Variants in EDIL3 observed in about 807,000 individuals in gnomAD.
EDIL3 encodes the protein EGF-like repeat and discoidin I-like domain-containing protein 3.
EDIL3 carries 37 observed loss-of-function variants against 67.4 expected under a neutral mutation model. The observed-to-expected ratio is 0.55, with a 90% CI of 0.42 to 0.72. EDIL3 has a LOEUF of 0.72. Among genes scored for constraint, EDIL3 ranks in the 30% least tolerant of loss-of-function variants. The pLI is 0.00. For synonymous variants in EDIL3, 195 were observed against 196.3 expected, an observed-to-expected ratio of 0.99 and a Z score of 0.05; for missense variants, 527 against 586.3, an observed-to-expected ratio of 0.90 and a Z score of 1.04.
At chr5:84,201,083 CAAAT>C (rs554485628) in intron 3 of EDIL3, among the ~76,000 whole-genome samples, 1 of 152,090 alleles carries the variant, frequency 6.6e-6, no homozygotes, top group East Asian at 1.9e-4. Context: ...TCTTAAATCT[CAAAT>C]AAATAATCGT....
At chr5:84,194,065 C>A (rs1010221495) in intron 3 of EDIL3, among the ~76,000 whole-genome samples, 2 of 151,794 alleles carry the variant, frequency 1.3e-5, no homozygotes, top group Non-Finnish European at 2.9e-5. Context: ...ACTGCCAATA[C>A]CTATTGCTTC....
chr5:83,973,986 A>G (rs1199686877), intron 9 of EDIL3, among the ~76,000 whole-genome samples: 1 of 151,994 alleles, frequency 6.6e-6, no homozygotes, highest in African/African-American at 2.4e-5. Flanking sequence ...CACACAATGT[A>G]TTTTTGTGCT....
chr5:84,260,537 C>A (rs894400847), intron 1 of EDIL3, among the ~76,000 whole-genome samples: 23 of 152,180 alleles, frequency 1.5e-4, no homozygotes, highest in African/African-American at 5.5e-4. Flanking sequence ...TCTTTATATG[C>A]AGTAAACATC....
intron 6 of EDIL3, among the ~76,000 whole-genome samples, chr5:84,072,455 A>G (rs1416962405): frequency 1.3e-5 from 2 of 152,162 alleles, no homozygotes; most frequent in Non-Finnish European, 2.9e-5. Flanking sequence ...GGACTACACA[A>G]TATTAGCAAG....
intron 2 of EDIL3, among the ~76,000 whole-genome samples, chr5:84,239,957 T>C (rs1380764728): frequency 1.3e-5 from 2 of 152,142 alleles, no homozygotes; most frequent in African/African-American, 4.8e-5. Context: ...TCTCATGAAA[T>C]TTTCCATGTC....
At chr5:84,354,251 G>C (rs1287562312) in intron 1 of EDIL3, among the ~76,000 whole-genome samples, 2 of 152,120 alleles carry the variant, frequency 1.3e-5, no homozygotes, top group Non-Finnish European at 2.9e-5. Flanking sequence ...AGCCATGTGA[G>C]TGTCTCTTCT....
intron 1 of EDIL3, among the ~76,000 whole-genome samples, chr5:84,361,303 A>T (rs562686157): frequency 6.4e-4 from 95 of 147,342 alleles, no homozygotes; most frequent in Middle Eastern, 3.4e-3. Flanking sequence ...ACACACACAC[A>T]CTTCAGATTT....
intron 2 of EDIL3, among the ~76,000 whole-genome samples, chr5:84,246,508 ATTAT>A (rs139856487): frequency 1.3e-3 from 193 of 152,370 alleles, no homozygotes; most frequent in African/African-American, 4.4e-3. Context: ...AAACTCTGTG[ATTAT>A]TTGTTAGGCA....
rs1338060460 is a variant in EDIL3 at position 84,384,844 on chromosome 5, G to A, written c.-470C>T. The stretch of plus-strand genomic sequence containing the variant: ...CTGGAGGGGAGCGAGCGGGCCGCCG[G>A]GAGCGCACTGTGTACAAACAGAGGC... On this transcript the variant is annotated 5_prime_UTR_variant, in exon 1 of 11. Transcript: ENST00000296591. The A allele has an allele frequency of 6.6e-6, 1 of 152,266 alleles. No individual in the cohort carries two copies. Among genetic ancestry groups the A allele is most frequent in the Non-Finnish European group, 1.5e-5 (1 of 68,154 alleles). 9.4% of individuals were successfully genotyped at this position (152,266 alleles called of 1,614,324 possible).
chr5:84,221,005 G>A (rs1034414030), intron 3 of EDIL3, among the ~76,000 whole-genome samples: 1 of 152,028 alleles, frequency 6.6e-6, no homozygotes, highest in Non-Finnish European at 1.5e-5. Flanking sequence ...ATATCATTGA[G>A]CCAACCATTC....
intron 9 of EDIL3, among the ~76,000 whole-genome samples, chr5:83,987,757 G>A (rs1745078687): frequency 6.6e-6 from 1 of 151,924 alleles, no homozygotes; most frequent in Non-Finnish European, 1.5e-5. Flanking sequence ...TAGTCTCTGA[G>A]GAGGTATAGT....
At chr5:84,221,934 C>T (rs1471034243) in intron 3 of EDIL3, among the ~76,000 whole-genome samples, 1 of 151,734 alleles carries the variant, frequency 6.6e-6, no homozygotes, top group Non-Finnish European at 1.5e-5. Context: ...AAATAAAATA[C>T]TAAAATCAGA....
At chr5:84,012,874 T>C (rs779074284) in intron 9 of EDIL3, among the ~76,000 whole-genome samples, 27 of 152,026 alleles carry the variant, frequency 1.8e-4, no homozygotes, top group Non-Finnish European at 3.7e-4. Flanking sequence ...ACTCTACAAA[T>C]AGCTTTCACT....
intron 3 of EDIL3, among the ~76,000 whole-genome samples, chr5:84,207,843 T>C (rs774560216): frequency 6.6e-6 from 1 of 151,504 alleles, no homozygotes. Flanking sequence ...TGGCTAGCCA[T>C]ATGTAGAAAG....
At chr5:84,348,416 C>A (rs886248866) in intron 1 of EDIL3, among the ~76,000 whole-genome samples, 2 of 152,108 alleles carry the variant, frequency 1.3e-5, no homozygotes, top group African/African-American at 4.8e-5. Context: ...CCTGCTGTAT[C>A]CATCTTGCCT....
At chr5:84,349,883 A>G (rs932197870) in intron 1 of EDIL3, among the ~76,000 whole-genome samples, 9 of 152,180 alleles carry the variant, frequency 5.9e-5, no homozygotes, top group Non-Finnish European at 4.4e-5. Flanking sequence ...AAAAATAGAT[A>G]GGTAATTTAC....
intron 10 of EDIL3, among the ~76,000 whole-genome samples, chr5:83,952,740 CT>C (rs1439347482): frequency 1.3e-5 from 2 of 151,818 alleles, no homozygotes; most frequent in Non-Finnish European, 2.9e-5. Flanking sequence ...GACTCTACCC[CT>C]GACTCTACCC....
intron 1 of EDIL3, among the ~76,000 whole-genome samples, chr5:84,295,383 A>T (rs1746028106): frequency 6.6e-6 from 1 of 152,056 alleles, no homozygotes; most frequent in Non-Finnish European, 1.5e-5. Flanking sequence ...TGGTACTTAT[A>T]CTTAAAAATG....
chr5:84,368,070 C>T (rs1747775745), intron 1 of EDIL3, among the ~76,000 whole-genome samples: 1 of 152,118 alleles, frequency 6.6e-6, no homozygotes, highest in South Asian at 2.1e-4. Context: ...TCTGATGTAA[C>T]TATTTTGAAA....
Sources: gnomAD v4.1 joint callset for allele counts (sites outside exome capture counted in the v4.1 genomes callset) on GRCh38, gnomAD v4.1.1 for gene constraint, MANE v1.5 for transcripts, NCBI Gene and HGNC (gene_info 2026-07-23, HGNC 2026-07-21) for gene names.